ZNF91: variants seen among roughly 807,000 people sequenced by gnomAD.
ZNF91 encodes zinc finger protein 91.
Under a neutral mutation model 12.6 loss-of-function variants are expected in ZNF91, and 7 were observed. The observed-to-expected ratio is 0.55, with a 90% confidence interval of 0.31 to 1.04. The LOEUF (loss-of-function observed/expected upper bound fraction) is 1.04. ZNF91 is among the 50% of genes least tolerant of loss of function. ZNF91 has a pLI of 0.05. For missense variants in ZNF91, 1,217 were observed against 1,385.4 expected (o/e 0.88, Z 1.93); for synonymous variants, 453 against 462.6 (o/e 0.98, Z 0.27).
At chr19:23,394,922 C>T (rs1205525201) in intron 1 of ZNF91, among the ~76,000 whole-genome samples, 1 of 151,994 alleles carries the variant, frequency 6.6e-6, no homozygotes, top group Non-Finnish European at 1.5e-5. Flanking sequence ...CGGTGACGCC[C>T]ATAAATTTTT....
chr19:23,323,069 CGTT>C lies in ZNF91; in HGVS notation n.117-13975_117-13973del, dbSNP rs1023438931. On this transcript the variant is annotated intron_variant and non_coding_transcript_variant, in intron 1 of 1. Transcript: ENST00000596528. ...TTTCCTCCTCCTTTCCTCATCCTCCCGTTTTTTTCTTTTCTTCCTCCTCCCCTC... is the reference window on the plus strand; with the variant it reads ...TTTCCTCCTCCTTTCCTCATCCTCCCTTTTTCTTTTCTTCCTCCTCCCCTC... Among the ~76,000 whole-genome samples, 29 of 148,990 alleles carry C rather than the reference CGTT, an allele frequency of 1.9e-4. No individual in the cohort carries two copies. In the East Asian group the frequency reaches 3.3e-3, roughly 17 times the overall value.
intron 1 of ZNF91, 48 bp from the exon 2 acceptor site, chr19:23,374,812 G>A: frequency 6.3e-7 from 1 of 1,591,266 alleles, no homozygotes; most frequent in East Asian, 2.3e-5. Context: ...GCTATGGGCA[G>A]AATTTTTCAT....
At chr19:23,395,218 G>C (rs1970192433) in intron 1 of ZNF91, 107 bp downstream of exon 1, 2 of 1,396,454 alleles carry the variant, frequency 1.4e-6, no homozygotes, top group African/African-American at 2.9e-5. Flanking sequence ...CCCGGGCACG[G>C]ATTGTGGAGC....
chr19:23,313,736 A>T (rs112766421), upstream of ZNF91, among the ~76,000 whole-genome samples: 116 of 152,344 alleles, frequency 7.6e-4, no homozygotes, highest in African/African-American at 2.7e-3. Context: ...GGAAGTTAAA[A>T]GTTGGATAAT....
At chr19:23,323,080 TTTC>T (rs951064306) in intron 1 of ZNF91, among the ~76,000 whole-genome samples, 1 of 148,854 alleles carries the variant, frequency 6.7e-6, no homozygotes, top group African/African-American at 2.5e-5. Context: ...GTTTTTTTCT[TTTC>T]TTCCTCCTCC....
intron 3 of ZNF91, among the ~76,000 whole-genome samples, chr19:23,369,258 T>C (rs1261673482): frequency 6.6e-6 from 1 of 151,544 alleles, no homozygotes; most frequent in East Asian, 1.9e-4. Flanking sequence ...TGGAGTGTGA[T>C]AGGATCGTGC....
At chr19:23,339,212 T>C (rs953369582) in intron 3 of ZNF91, 4 of 151,354 alleles carry the variant, frequency 2.6e-5, no homozygotes, top group African/African-American at 4.9e-5. Context: ...CAAAAGTAAA[T>C]AGGAGTATCT....
downstream of ZNF91, among the ~76,000 whole-genome samples, chr19:23,355,890 T>C (rs1423515436): frequency 6.6e-5 from 10 of 152,076 alleles, no homozygotes; most frequent in Non-Finnish European, 1.2e-4. Flanking sequence ...CCAACAAACA[T>C]ATAAAAAATG....
At chr19:23,331,028 C>G (rs1440615044) in intron 1 of ZNF91, among the ~76,000 whole-genome samples, 3 of 152,190 alleles carry the variant, frequency 2.0e-5, no homozygotes, top group African/African-American at 4.8e-5. Context: ...CCACTCATAG[C>G]TACTTATTTT....
At chr19:23,343,438 T>C (rs1220743263) in intron 3 of ZNF91, among the ~76,000 whole-genome samples, 3 of 152,216 alleles carry the variant, frequency 2.0e-5, no homozygotes, top group Non-Finnish European at 4.4e-5. Context: ...TGAACAAAGA[T>C]GACAGCCTTC....
At chr19:23,308,257 C>T (rs1356620366) in intron 2 of ZNF91, 2 of 152,092 alleles carry the variant, frequency 1.3e-5, no homozygotes, top group African/African-American at 4.8e-5. Context: ...TGACTCTCGT[C>T]TTCTGCCTGC....
At chr19:23,388,985 T>C (rs1599760285) in intron 1 of ZNF91, among the ~76,000 whole-genome samples, 1 of 152,294 alleles carries the variant, frequency 6.6e-6, no homozygotes, top group Non-Finnish European at 1.5e-5. Context: ...CAACAGACAC[T>C]GACGCCTAGT....
chr19:23,327,313 T>C (rs1388885896), intron 1 of ZNF91: 1 of 152,340 alleles, frequency 6.6e-6, no homozygotes, highest in African/African-American at 2.4e-5. Flanking sequence ...CAACAAAGCA[T>C]TGTTCTAACT....
At chr19:23,336,929 A>G (rs925724400), downstream of ZNF91, among the ~76,000 whole-genome samples, 1 of 152,174 alleles carries the variant, frequency 6.6e-6, no homozygotes, top group Non-Finnish European at 1.5e-5. Context: ...GGAAACATTT[A>G]TAACGTATTT....
chr19:23,311,901 C>CA (rs78028804), upstream of ZNF91, among the ~76,000 whole-genome samples: 1,797 of 91,604 alleles, frequency 0.02, 32 homozygotes, highest in African/African-American at 0.043. Context: ...TAGGCCATGC[C>CA]AAAAAAAAAA....
chr19:23,305,465 T>A (rs983148068), intron 3 of ZNF91, among the ~76,000 whole-genome samples: 4 of 152,166 alleles, frequency 2.6e-5, no homozygotes, highest in Non-Finnish European at 4.4e-5. Context: ...GTAAATCCAA[T>A]CAGTCAGTTA....
chr19:23,306,263 C>G (rs549344337), intron 3 of ZNF91, among the ~76,000 whole-genome samples: 1 of 152,302 alleles, frequency 6.6e-6, no homozygotes, highest in African/African-American at 2.4e-5. Context: ...GAACCCGGAC[C>G]TGTGTGAGAT....
chr19:23,310,658 C>T (rs1423403426), upstream of ZNF91: 1 of 152,178 alleles, frequency 6.6e-6, no homozygotes, highest in Non-Finnish European at 1.5e-5. Flanking sequence ...TATGTGGGCC[C>T]AGCCCACAGA....
At chr19:23,369,464 T>C (rs930273235) in intron 3 of ZNF91, among the ~76,000 whole-genome samples, 19 of 151,770 alleles carry the variant, frequency 1.3e-4, no homozygotes, top group African/African-American at 4.6e-4. Context: ...TTCTGGGAAG[T>C]GAGGAGCCCC....
Sources: allele counts gnomAD v4.1 joint callset (sites outside exome capture counted in the v4.1 genomes callset), GRCh38; gene constraint gnomAD v4.1.1; transcripts MANE v1.5; gene names NCBI Gene and HGNC (gene_info 2026-07-23, HGNC 2026-07-21).